The following FNIP1 variants were observed in gnomAD, a reference collection of about 807,000 sequenced individuals.
FNIP1 encodes the protein folliculin-interacting protein 1.
FNIP1 carries 40 observed loss-of-function variants against 124.5 expected under a neutral mutation model. The observed-to-expected ratio is 0.32, with a 90% CI of 0.25 to 0.42. FNIP1 has a LOEUF of 0.42. FNIP1 is among the 10% of genes least tolerant of loss of function. The pLI, the probability that FNIP1 is intolerant of heterozygous loss-of-function variation, is 1.00. For synonymous variants in FNIP1, 472 were observed against 470.6 expected (o/e 1.00, Z -0.04); for missense variants, 1,176 against 1,403.7 (o/e 0.84, Z 2.59).
intron 11 of FNIP1, among the ~76,000 whole-genome samples, chr5:131,697,314 G>A (rs977910045): frequency 5.3e-5 from 8 of 152,016 alleles, no homozygotes; most frequent in East Asian, 1.9e-4. Flanking sequence ...TTTTTGTGAC[G>A]GGGTCTCACT....
chr5:131,713,600 G>A (rs1342908248), intron 6 of FNIP1, among the ~76,000 whole-genome samples: 2 of 151,440 alleles, frequency 1.3e-5, no homozygotes, highest in South Asian at 2.1e-4. Context: ...AACAACAATG[G>A]ATTTCTTCAC....
intron 1 of FNIP1, among the ~76,000 whole-genome samples, chr5:131,783,822 AC>A (rs2149585696): frequency 6.6e-6 from 1 of 152,232 alleles, no homozygotes; most frequent in South Asian, 2.1e-4. Context: ...AGAATTGTGT[AC>A]TTAGCAGACT....
chr5:131,709,210 C>A lies in FNIP1; in HGVS notation c.769G>T (p.Ala257Ser). 1 of 1,613,366 alleles carries A rather than the reference C, an allele frequency of 6.2e-7. No homozygotes were observed. The change falls in exon 8 of 18, where the codon GCA (alanine) becomes TCA (serine). Residue 257 changes from alanine (A) to serine (S), a missense_variant. Ala to Ser is a moderately conservative substitution (Grantham distance 99). Around this residue, in one of 2 missense-constraint regions of FNIP1, gnomAD observed 1,109 missense variants for 1,288.5 expected, o/e 0.86. Transcript: ENST00000510461. Reference sequence around the variant, plus strand: ...AAGAACGTGACATTACCAGACCGTGCTATGCCACTGTCTCTGTCCTCATTG... The same window carrying A: ...AAGAACGTGACATTACCAGACCGTGATATGCCACTGTCTCTGTCCTCATTG... ...ELNEDRDSGI[A>S]RSASLSSLLI... is the part of the protein sequence containing the mutation.
At chr5:131,657,208 T>C (rs1767222387) in intron 15 of FNIP1, among the ~76,000 whole-genome samples, 1 of 151,992 alleles carries the variant, frequency 6.6e-6, no homozygotes, top group Non-Finnish European at 1.5e-5. Flanking sequence ...TTCACTATGT[T>C]GGCCAGGCTG....
At chr5:131,732,671 A>T (rs564392074) in intron 2 of FNIP1, among the ~76,000 whole-genome samples, 73 of 149,270 alleles carry the variant, frequency 4.9e-4, no homozygotes, top group Non-Finnish European at 9.1e-4. Context: ...AGGGCTCTTT[A>T]CTGTTCCATT....
chr5:131,691,201 G>T (rs1008809905), intron 11 of FNIP1, among the ~76,000 whole-genome samples: 3 of 152,042 alleles, frequency 2.0e-5, no homozygotes, highest in Admixed American at 2.0e-4. Flanking sequence ...AAAGATAACT[G>T]GAAAATCCCC....
intron 11 of FNIP1, among the ~76,000 whole-genome samples, chr5:131,686,785 G>A (rs1768288491): frequency 6.6e-6 from 1 of 151,984 alleles, no homozygotes; most frequent in African/African-American, 2.4e-5. Context: ...TGCCCAGGCT[G>A]GTCTCAAAAC....
Position 131,672,898 on chromosome 5 carries a change from G to A in FNIP1, c.1546C>T (p.Pro516Ser). The change falls in exon 14 of 18, where the codon CCC (proline) becomes TCC (serine). Residue 516 changes from proline to serine, a missense_variant. Pro to Ser is a moderately conservative substitution (Grantham distance 74). Coordinates refer to ENST00000510461, the MANE Select transcript of FNIP1 (RefSeq NM_133372.3). ...ACCACAGTCCTTGCTAACCGTACGG[G>A]AGAGCCAATAGCGCCATACAAGTCT... ...LGDLYGAIGSPVRLARTVVVG... is the reference protein window; with the variant it reads ...LGDLYGAIGSSVRLARTVVVG... 6.4e-7 allele frequency: 1 copy of A among 1,570,020 alleles called. No homozygotes were observed. The highest frequency in any genetic ancestry group is 8.6e-7 in the Non-Finnish European group (1 of 1,160,720).
intron 6 of FNIP1, among the ~76,000 whole-genome samples, chr5:131,712,934 T>C (rs1769344953): frequency 6.6e-6 from 1 of 152,216 alleles, no homozygotes; most frequent in Admixed American, 6.5e-5. Flanking sequence ...ATTTAGTCCA[T>C]ATTATTTTAT....
intron 15 of FNIP1, among the ~76,000 whole-genome samples, chr5:131,656,811 G>A (rs376492991): frequency 1.7e-4 from 26 of 152,042 alleles, no homozygotes; most frequent in Admixed American, 1.1e-3. Flanking sequence ...AGCAAGCACC[G>A]AGATTTAAGG....
At position 131,644,153 on chromosome 5, in the gene FNIP1, C is replaced by G. The variant is rs1005127202; in HGVS notation, c.*532G>C. ...GTGGATAACATAACACATTTACACT[C>G]ATTATTCTGAGTTTCTTATAATTAA... On this transcript the variant is annotated 3_prime_UTR_variant, in exon 18 of 18. Transcript: ENST00000510461. The G allele has an allele frequency of 6.6e-6, 1 of 152,404 alleles. No homozygotes were observed. The highest frequency in any genetic ancestry group is 1.9e-4 in the East Asian group (1 of 5,340). The allele number at this position is 152,404 out of a possible 1,614,324, so 9.4% of individuals were successfully genotyped here. A position where few individuals can be genotyped will look rare whatever the true frequency, so the allele number is the denominator to read the frequency against.
At chr5:131,736,895 G>A (rs1024236187) in intron 2 of FNIP1, among the ~76,000 whole-genome samples, 1 of 152,164 alleles carries the variant, frequency 6.6e-6, no homozygotes, top group East Asian at 1.9e-4. Context: ...GGGATATCAA[G>A]TAGGCAGTTT....
Position 131,677,890 on chromosome 5 carries a change from C to A in FNIP1, c.1350-18G>T. On this transcript the variant is annotated intron_variant, in intron 12 of 17. Coordinates refer to ENST00000510461, the MANE Select transcript of FNIP1 (RefSeq NM_133372.3). ...GCAAGAATCTGAAAACAAAATACAT[C>A]TGATCAGATTCCAATCAGTCTTCAT... is the stretch of plus-strand genomic sequence containing the variant. The A allele has an allele frequency of 6.2e-7, 1 of 1,609,176 alleles. No individual in the cohort carries two copies. The highest frequency in any genetic ancestry group is 8.5e-7 in the Non-Finnish European group (1 of 1,176,788).
At chr5:131,754,768 C>A (rs567818014) in intron 1 of FNIP1, among the ~76,000 whole-genome samples, 1 of 152,256 alleles carries the variant, frequency 6.6e-6, no homozygotes, top group South Asian at 2.1e-4. Context: ...AGGTTTTAAA[C>A]AATAGCTGAC....
At chr5:131,771,972 C>T (rs1277223161) in intron 1 of FNIP1, among the ~76,000 whole-genome samples, 1 of 152,072 alleles carries the variant, frequency 6.6e-6, no homozygotes, top group Non-Finnish European at 1.5e-5. Context: ...CATTTCCTGG[C>T]TATCCTTCTG....
At chr5:131,669,820 C>CA (rs2149513745) in intron 15 of FNIP1, among the ~76,000 whole-genome samples, 1 of 151,520 alleles carries the variant, frequency 6.6e-6, no homozygotes, top group East Asian at 1.9e-4. Flanking sequence ...ATGAAAGATG[C>CA]AATGTCTTTC....
chr5:131,780,045 AT>A (rs1261967251), intron 1 of FNIP1, among the ~76,000 whole-genome samples: 5 of 151,804 alleles, frequency 3.3e-5, no homozygotes, highest in African/African-American at 9.7e-5. Flanking sequence ...TAGCAAAAAA[AT>A]AATAATAATA....
intron 11 of FNIP1, among the ~76,000 whole-genome samples, chr5:131,687,374 G>A (rs1293439035): frequency 6.6e-6 from 1 of 152,068 alleles, no homozygotes; most frequent in East Asian, 1.9e-4. Context: ...ACAAAGTGCT[G>A]GGATTACAGG....
chr5:131,672,701 T>C lies in FNIP1; in HGVS notation c.1743A>G (p.Ser581=), dbSNP rs1460592261. Reference sequence around the variant, plus strand: ...TATGCATTGTGACAAGGACATACTCTGATTCTTCTATTTCACCTTTCTCTA... The same window carrying C: ...TATGCATTGTGACAAGGACATACTCCGATTCTTCTATTTCACCTTTCTCTA... ...TTLEKGEIEE[S]EYVLVTMHRN... Residue 581 remains serine, a synonymous_variant, in exon 14 of 18, where the codon TCA becomes TCG. Coordinates refer to ENST00000510461, the MANE Select transcript of FNIP1 (RefSeq NM_133372.3). 5 of 1,613,642 alleles carry C rather than the reference T, an allele frequency of 3.1e-6. No homozygotes were observed. The African/African-American group carries it at 6.7e-5, about 22-fold the overall frequency.
Sources: allele counts gnomAD v4.1 joint callset (sites outside exome capture counted in the v4.1 genomes callset), GRCh38; gene constraint gnomAD v4.1.1; regional missense constraint gnomAD v4.1.1; transcripts MANE v1.5; gene names NCBI Gene and HGNC (gene_info 2026-07-23, HGNC 2026-07-21).